The following TBC1D22A variants were observed in gnomAD, a reference collection of about 807,000 sequenced individuals.
The protein encoded by TBC1D22A is TBC1 domain family member 22A, also known as putative GTPase activator.
TBC1D22A carries 38 observed loss-of-function variants against 60.2 expected under a neutral mutation model. The ratio of observed to expected loss-of-function variants is 0.63; its 90% confidence interval spans 0.49 to 0.83. TBC1D22A has a LOEUF of 0.83. TBC1D22A is among the 40% of genes least tolerant of loss of function. TBC1D22A has a pLI of 0.00. For missense variants in TBC1D22A, 628 were observed against 701.0 expected (o/e 0.90, Z 1.18); for synonymous variants, 302 against 281.7 (o/e 1.07, Z -0.72).
chr22:46,787,060 G>C (rs2084189612), intron 1 of TBC1D22A, among the ~76,000 whole-genome samples: 1 of 152,104 alleles, frequency 6.6e-6, no homozygotes, highest in African/African-American at 2.4e-5. Flanking sequence ...TCAGTTGTGT[G>C]TATCTTTCTG....
chr22:46,912,487 G>C (rs2070009577), intron 8 of TBC1D22A, among the ~76,000 whole-genome samples: 1 of 152,070 alleles, frequency 6.6e-6, no homozygotes. Context: ...CACAGTAATG[G>C]CTTTAATGGT....
chr22:46,874,562 CTTTTTTTT>C (rs747481407), intron 4 of TBC1D22A, among the ~76,000 whole-genome samples: 6 of 40,784 alleles, frequency 1.5e-4, no homozygotes, highest in African/African-American at 6.3e-4. Flanking sequence ...ACAGGTATGT[CTTTTTTTT>C]TTTTTTTTTT....
intron 10 of TBC1D22A, among the ~76,000 whole-genome samples, chr22:47,024,666 C>T (rs2062194459): frequency 1.3e-5 from 2 of 152,004 alleles, no homozygotes; most frequent in African/African-American, 4.8e-5. Context: ...CCAGCCTGGG[C>T]AACATGGTGA....
chr22:47,093,395 A>G (rs1345167956), intron 11 of TBC1D22A, among the ~76,000 whole-genome samples: 1 of 151,800 alleles, frequency 6.6e-6, no homozygotes, highest in East Asian at 1.9e-4. Flanking sequence ...GCTGGTGTGC[A>G]TTTTTCTGGT....
At chr22:47,001,985 A>G (rs766964924) in intron 10 of TBC1D22A, among the ~76,000 whole-genome samples, 2 of 152,214 alleles carry the variant, frequency 1.3e-5, no homozygotes, top group Admixed American at 6.5e-5. Flanking sequence ...CAAAGAGGGT[A>G]TGCTGTTCTT....
intron 9 of TBC1D22A, among the ~76,000 whole-genome samples, chr22:46,996,967 T>C (rs1201212878): frequency 6.6e-6 from 1 of 152,194 alleles, no homozygotes; most frequent in Non-Finnish European, 1.5e-5. Flanking sequence ...GAGGTTATGT[T>C]ACTTGCCAAG....
chr22:46,964,778 G>C (rs2073716343), intron 8 of TBC1D22A, among the ~76,000 whole-genome samples: 1 of 152,218 alleles, frequency 6.6e-6, no homozygotes, highest in South Asian at 2.1e-4. Context: ...GGATGGGCCA[G>C]CAGGGGCACT....
chr22:47,061,425 T>C (rs1603212073), intron 11 of TBC1D22A, among the ~76,000 whole-genome samples: 1 of 152,084 alleles, frequency 6.6e-6, no homozygotes, highest in East Asian at 2.0e-4. Flanking sequence ...TGGTAGTCCC[T>C]CGAGAGGGGA....
At position 46,973,564 on chromosome 22, in the gene TBC1D22A, T is replaced by TA. The variant is rs202070355; in HGVS notation, c.1016-717dup. Among the ~76,000 whole-genome samples the TA allele has an allele frequency of 3.1e-3, 476 of 151,890 alleles. 1 individual carries two copies. The highest frequency in any genetic ancestry group is 0.01 in the East Asian group (54 of 5,182). ...AGATGCCATGCAAATAAAACTAAAGTAAAAAAAAATTAAAAATAGGGAAGA... is the reference window on the plus strand; with the variant it reads ...AGATGCCATGCAAATAAAACTAAAGTAAAAAAAAAATTAAAAATAGGGAAGA... On this transcript the variant is annotated intron_variant, in intron 8 of 12. Coordinates refer to ENST00000337137, the MANE Select transcript of TBC1D22A (RefSeq NM_014346.5).
chr22:47,039,000 T>C (rs1349999592), intron 11 of TBC1D22A, among the ~76,000 whole-genome samples: 1 of 152,240 alleles, frequency 6.6e-6, no homozygotes, highest in East Asian at 1.9e-4. Flanking sequence ...TTGGTTAGGC[T>C]GTTTGAGACC....
Position 47,173,774 on chromosome 22 carries a change from C to T in TBC1D22A, c.*148C>T. ...TCCAGGGGAGCTGGTGAAGATGGGC[C>T]ACAGACCTGGTCTAGGGCTGACAAA... On this transcript the variant is annotated 3_prime_UTR_variant, in exon 13 of 13. Transcript: ENST00000337137. 1 of 1,249,874 alleles carries T rather than the reference C, an allele frequency of 8.0e-7. No individual in the cohort carries two copies. 77.4% of individuals were successfully genotyped at this position (1,249,874 alleles called of 1,614,324 possible).
chr22:47,021,060 G>C (rs1226116828), intron 10 of TBC1D22A, among the ~76,000 whole-genome samples: 1 of 152,186 alleles, frequency 6.6e-6, no homozygotes, highest in Admixed American at 6.5e-5. Flanking sequence ...CAGGACACAG[G>C]TTCTTCCCCA....
intron 11 of TBC1D22A, among the ~76,000 whole-genome samples, chr22:47,071,758 A>G (rs66473441): frequency 0.19 from 28,173 of 152,188 alleles, 3,212 homozygotes; most frequent in African/African-American, 0.32. Context: ...GCCAGTCCTA[A>G]TAAATGAAAG....
chr22:47,103,518 C>T (rs1319498815), intron 11 of TBC1D22A, among the ~76,000 whole-genome samples: 2 of 152,134 alleles, frequency 1.3e-5, no homozygotes, highest in Admixed American at 1.3e-4. Flanking sequence ...TCTGCTCTGC[C>T]TCATTTCTAC....
intron 11 of TBC1D22A, among the ~76,000 whole-genome samples, chr22:47,089,535 C>T (rs560510754): frequency 3.0e-4 from 45 of 152,304 alleles, no homozygotes; most frequent in Middle Eastern, 6.8e-3. Flanking sequence ...CAGACATGTG[C>T]GCACAAAGGC....
At chr22:47,173,070 C>T (rs889598291) in intron 12 of TBC1D22A, among the ~76,000 whole-genome samples, 1 of 152,238 alleles carries the variant, frequency 6.6e-6, no homozygotes, top group African/African-American at 2.4e-5. Context: ...TGGGCGGAGG[C>T]TGCAAAGCTG....
intron 12 of TBC1D22A, among the ~76,000 whole-genome samples, chr22:47,134,263 G>A (rs964810782): frequency 6.6e-6 from 1 of 152,262 alleles, no homozygotes; most frequent in Admixed American, 6.5e-5. Flanking sequence ...AGTCCCTGAA[G>A]AAATGTGATT....
At chr22:46,951,699 G>T (rs933662457) in intron 8 of TBC1D22A, among the ~76,000 whole-genome samples, 3 of 152,194 alleles carry the variant, frequency 2.0e-5, no homozygotes, top group Admixed American at 6.5e-5. Context: ...GATGACTGAT[G>T]GGTTTTTTCT....
At chr22:46,857,650 C>T (rs1470725977) in intron 4 of TBC1D22A, among the ~76,000 whole-genome samples, 1 of 151,736 alleles carries the variant, frequency 6.6e-6, no homozygotes, top group Non-Finnish European at 1.5e-5. Context: ...AGTAGTCGTT[C>T]CCCACTCCCC....
Sources: gnomAD v4.1 joint callset for allele counts (sites outside exome capture counted in the v4.1 genomes callset) on GRCh38, gnomAD v4.1.1 for gene constraint, MANE v1.5 for transcripts, NCBI Gene and HGNC (gene_info 2026-07-23, HGNC 2026-07-21) for gene names.